Variants in SYPL2 observed in about 807,000 individuals in gnomAD.
The protein encoded by SYPL2 is synaptophysin like 2, also known as synaptophysin-like protein 2.
In SYPL2, 24 loss-of-function variants were observed where a neutral mutation model predicts 31.3. The observed-to-expected ratio is 0.77, with a 90% CI of 0.56 to 1.08. The LOEUF is 1.08. Among genes scored for constraint, SYPL2 ranks in the 50% least tolerant of loss-of-function variants. The pLI is 0.00. For synonymous variants in SYPL2, 144 were observed against 143.1 expected, an observed-to-expected ratio of 1.01 and a Z score of -0.05; for missense variants, 342 against 360.1, an observed-to-expected ratio of 0.95 and a Z score of 0.41.
chr1:109,466,873 G>A lies in SYPL2; in HGVS notation c.30G>A (p.Thr10=). The A allele has an allele frequency of 6.5e-6, 10 of 1,528,388 alleles. No homozygotes were observed. Among genetic ancestry groups the A allele is most frequent in the South Asian group, 2.4e-5 (2 of 83,590 alleles). The allele number at this position is 1,528,388 out of a possible 1,614,324, so 94.7% of individuals were successfully genotyped here. MSSTESAGR[T]ADKSPRQQVD... ...CCTCGACCGAGAGCGCCGGCCGCAC[G>A]GCGGACAAGTCGCCGCGCCAGCAGG... The change falls in exon 1 of 6, where the codon ACG becomes ACA. Residue 10 remains threonine, a synonymous_variant. Transcript: ENST00000369872.
chr1:109,476,203 G>T (rs756938923), intron 3 of SYPL2, among the ~76,000 whole-genome samples: 1 of 152,192 alleles, frequency 6.6e-6, no homozygotes, highest in Non-Finnish European at 1.5e-5. Flanking sequence ...GAGAGCTTAG[G>T]AAGTAGGGAG....
rs1268694761 is a variant in SYPL2, at chr1:109,466,816, C to G, written c.-28C>G. 2 of 1,510,102 alleles carry G rather than the reference C, an allele frequency of 1.3e-6. No homozygotes were observed. Among genetic ancestry groups the G allele is most frequent in the South Asian group, 1.2e-5 (1 of 81,912 alleles). The allele number at this position is 1,510,102 out of a possible 1,614,324, so 93.5% of individuals were successfully genotyped here. A position where few individuals can be genotyped will look rare whatever the true frequency, so the allele number is the denominator to read the frequency against. On this transcript the variant is annotated 5_prime_UTR_variant, in exon 1 of 6. Transcript: ENST00000369872. ...TCCCGGCCAGAGAGCCAAGCCACCA[C>G]GCCGCGCCCAGCGCTCGCCGCGCCA... is the stretch of plus-strand genomic sequence containing the variant.
intron 5 of SYPL2, among the ~76,000 whole-genome samples, chr1:109,479,017 G>C (rs968568095): frequency 6.6e-6 from 1 of 152,238 alleles, no homozygotes; most frequent in Admixed American, 6.5e-5. Context: ...ACACCTACCT[G>C]GCGGAAGGTG....
In SYPL2 at chr1:109,477,998, A is replaced by G. The variant is rs749518616; in HGVS notation, c.637A>G (p.Asn213Asp). The G allele has an allele frequency of 1.9e-5, 30 of 1,614,024 alleles. No individual in the cohort carries two copies. Among genetic ancestry groups the G allele is most frequent in the Non-Finnish European group, 1.7e-6 (2 of 1,180,038 alleles). ...GGCCACGCCCTCTATGGGCCTGGCC[A>G]ACATCTCCGTGGTGAGACCTGTGGC... ...AGATPSMGLA[N>D]ISVLFGFINF... Residue 213 changes from asparagine (N) to aspartate (D), a missense_variant, in exon 5 of 6, where the codon AAC becomes GAC. By Grantham distance (23) the Asn-to-Asp change is conservative (BLOSUM62 1). Transcript: ENST00000369872.
In SYPL2 at chr1:109,479,562, T is replaced by A; in HGVS notation, c.*14T>A. On this transcript the variant is annotated 3_prime_UTR_variant, in exon 6 of 6. Coordinates refer to ENST00000369872, the MANE Select transcript of SYPL2 (RefSeq NM_001040709.2). Reference sequence around the variant, plus strand: ...GAGAAGCAGTAAGCAGCCCCCCACCTGGCTATTCCCGAACTGGACAGCACC... The same window carrying A: ...GAGAAGCAGTAAGCAGCCCCCCACCAGGCTATTCCCGAACTGGACAGCACC... 1 of 1,610,188 alleles carries A rather than the reference T, an allele frequency of 6.2e-7. No individual in the cohort carries two copies. Among genetic ancestry groups the A allele is most frequent in the Non-Finnish European group, 8.5e-7 (1 of 1,177,374 alleles).
Position 109,477,875 on chromosome 1 carries a change from G to A in SYPL2, c.514G>A (p.Gly172Ser). 1 of 1,614,104 alleles carries A rather than the reference G, an allele frequency of 6.2e-7. No individual in the cohort carries two copies. Among genetic ancestry groups the A allele is most frequent in the South Asian group, 1.1e-5 (1 of 91,064 alleles). Residue 172 changes from glycine to serine, a missense_variant, in exon 5 of 6, where the codon GGC (glycine) becomes AGC (serine). Physicochemically the swap from Gly to Ser is moderately conservative, Grantham distance 56 (BLOSUM62 0). Coordinates refer to ENST00000369872, the MANE Select transcript of SYPL2 (RefSeq NM_001040709.2). ...CTGGCTGGTAGCTGCAGCTGCCTGG[G>A]GCAAGGGCCTGACCGATGTCAAGGG... ...FFWLVAAAAW[G>S]KGLTDVKGAT...
rs1656066074 is a variant in SYPL2 at position 109,478,493 on chromosome 1, C to T, written c.648+484C>T. ...CTGGATGCATATGGATTTGGCCATC[C>T]CAGTTGTTAGAATGTTGAAATATGT... On this transcript the variant is annotated intron_variant, in intron 5 of 5. Transcript: ENST00000369872. This position sits in a 1 kb window ranked among gnomAD's most constrained non-coding sequence, Gnocchi z 4.0. Among the ~76,000 whole-genome samples, 1 of 152,164 alleles carries T rather than the reference C, an allele frequency of 6.6e-6. No homozygotes were observed. The highest frequency in any genetic ancestry group is 1.5e-5 in the Non-Finnish European group (1 of 68,036).
chr1:109,466,955 C>T, intron 1 of SYPL2, 58 bp downstream of exon 1: 2 of 1,533,818 alleles, frequency 1.3e-6, no homozygotes. Flanking sequence ...TGTCGGGCTG[C>T]ACACTTATCC....
intron 2 of SYPL2, among the ~76,000 whole-genome samples, chr1:109,474,264 G>C (rs931139881): frequency 6.6e-6 from 1 of 151,736 alleles, no homozygotes; most frequent in Non-Finnish European, 1.5e-5. Flanking sequence ...AGCAGATGAT[G>C]TGGAGGATAA....
At chr1:109,475,249 GT>G (rs1655959474) in intron 2 of SYPL2, 1 of 200,990 alleles carries the variant, frequency 5.0e-6, no homozygotes, top group Admixed American at 5.7e-5. Context: ...AATTGCAGAG[GT>G]TTTGTGTTAG....
chr1:109,475,500 A>G, intron 2 of SYPL2, 81 bp from the exon 3 acceptor site: 3 of 1,546,900 alleles, frequency 1.9e-6, no homozygotes, highest in Non-Finnish European at 2.6e-6. Flanking sequence ...TAATGTCTGC[A>G]CCTGCGGGGA....
chr1:109,466,564 G>T lies in SYPL2; in HGVS notation c.-280G>T. On this transcript the variant is annotated 5_prime_UTR_variant, in exon 1 of 6. Transcript: ENST00000369872. The stretch of plus-strand genomic sequence containing the variant: ...GCCACGTGACCCGGCGGCCAAGTTC[G>T]CTGCGAGTTTGACAGAAGTTTGAAT... 2 of 382,656 alleles carry T rather than the reference G, an allele frequency of 5.2e-6. No individual in the cohort carries two copies. Among genetic ancestry groups the T allele is most frequent in the Non-Finnish European group, 4.6e-6 (1 of 216,710 alleles). 23.7% of individuals were successfully genotyped at this position (382,656 alleles called of 1,614,324 possible).
chr1:109,476,753 A>C (rs1171701656), intron 3 of SYPL2, 23 bp from the exon 4 acceptor site: 1 of 1,611,854 alleles, frequency 6.2e-7, no homozygotes, highest in South Asian at 1.1e-5. Flanking sequence ...TGAGCTCAGG[A>C]TGGCCTCCCC....
rs560200491 is a variant in SYPL2 at position 109,472,672 on chromosome 1, C to T, written c.130-2909C>T. Among the ~76,000 whole-genome samples, 45 of 126,522 alleles carry T rather than the reference C, an allele frequency of 3.6e-4. 1 individual carries two copies. The highest frequency in any genetic ancestry group is 3.2e-3 in the Admixed American group (34 of 10,626). The allele number at this position is 126,522 out of a possible 152,430, so 83.0% of individuals were successfully genotyped here. A position where few individuals can be genotyped will look rare whatever the true frequency, so the allele number is the denominator to read the frequency against. On this transcript the variant is annotated intron_variant, in intron 2 of 5. Coordinates refer to ENST00000369872, the MANE Select transcript of SYPL2 (RefSeq NM_001040709.2). ...TGTTGCCCAGCCTGGAGTGCAGTGG[C>T]ATGATCATAGCTCACTGCAGCCTTG...
At chr1:109,471,744 C>T (rs1262019362) in intron 2 of SYPL2, among the ~76,000 whole-genome samples, 1 of 152,112 alleles carries the variant, frequency 6.6e-6, no homozygotes, top group East Asian at 1.9e-4. Flanking sequence ...TTGATCCAGT[C>T]TCACTCTGTC....
intron 4 of SYPL2, among the ~76,000 whole-genome samples, chr1:109,477,609 G>A (rs181231032): frequency 6.6e-6 from 1 of 152,240 alleles, no homozygotes; most frequent in East Asian, 1.9e-4. Context: ...TAGATCTGAG[G>A]GCATTAGCAG....
At chr1:109,475,442 G>C (rs1321953084) in intron 2 of SYPL2, 139 bp from the exon 3 acceptor site, 4 of 1,220,640 alleles carry the variant, frequency 3.3e-6, no homozygotes, top group Non-Finnish European at 4.5e-6. Flanking sequence ...TTTCTACCTA[G>C]GAAGAACTTG....
intron 3 of SYPL2, 85 bp downstream of exon 3, chr1:109,475,790 TA>T: frequency 6.5e-7 from 1 of 1,532,972 alleles, no homozygotes. Context: ...TCCAGAAACC[TA>T]AAAACCATTC....
intron 3 of SYPL2, 108 bp downstream of exon 3, chr1:109,475,813 C>G (rs774882418): frequency 2.3e-4 from 336 of 1,454,910 alleles, no homozygotes; most frequent in Non-Finnish European, 2.9e-4. Flanking sequence ...TTGCGTGCCA[C>G]TCCAGATTCA....
Sources: allele counts gnomAD v4.1 joint callset (sites outside exome capture counted in the v4.1 genomes callset), GRCh38; gene constraint gnomAD v4.1.1; non-coding constraint Gnocchi (gnomAD v3.1); transcripts MANE v1.5; gene names NCBI Gene and HGNC (gene_info 2026-07-23, HGNC 2026-07-21).